SYNE2: variants seen among roughly 807,000 people sequenced by gnomAD.
The protein encoded by SYNE2 is nesprin-2.
SYNE2 carries 431 observed loss-of-function variants against 856.3 expected under a neutral mutation model. The observed-to-expected ratio is 0.50, with a 90% CI of 0.47 to 0.55. The LOEUF (loss-of-function observed/expected upper bound fraction) is 0.55. Among genes scored for constraint, SYNE2 ranks in the 20% least tolerant of loss-of-function variants. The pLI is 0.00. For missense variants in SYNE2, 8,129 were observed against 8,023.2 expected, an observed-to-expected ratio of 1.01 and a Z score of -0.50; for synonymous variants, 2,923 against 2,872.3, an observed-to-expected ratio of 1.02 and a Z score of -0.56.
At chr14:64,099,007 G>T (rs1316007754) in intron 63 of SYNE2, 186 bp downstream of exon 63, 2 of 620,924 alleles carry the variant, frequency 3.2e-6, no homozygotes, top group African/African-American at 3.7e-5. Flanking sequence ...ACTTCACTGT[G>T]TAAGAGTGAG....
chr14:64,212,077 T>C lies in SYNE2; in HGVS notation c.18840T>C (p.Asp6280=). ...AGCACTTCTCAGAGAGTGACGCCGA[T>C]GACAAGATGCGCCAACTGAATGTGA... ...NVEHFSESDA[D]DKMRQLNGFQ... is the part of the protein sequence containing the mutation. Residue 6280 remains aspartate, a synonymous_variant, in exon 104 of 116, where the codon GAT becomes GAC. Coordinates refer to ENST00000555002, the MANE Select transcript of SYNE2 (RefSeq NM_182914.3). The C allele has an allele frequency of 1.9e-6, 3 of 1,614,132 alleles. No homozygotes were observed. The highest frequency in any genetic ancestry group is 1.1e-5 in the South Asian group (1 of 91,078).
At chr14:64,183,886 A>G (rs931840443) in intron 96 of SYNE2, among the ~76,000 whole-genome samples, 1 of 147,826 alleles carries the variant, frequency 6.8e-6, no homozygotes, top group African/African-American at 2.5e-5. Flanking sequence ...GCTTTGGCTC[A>G]GCATCAGAGG....
intron 1 of SYNE2, among the ~76,000 whole-genome samples, chr14:63,796,953 C>CCT (rs1193747262): frequency 6.6e-6 from 1 of 151,928 alleles, no homozygotes; most frequent in East Asian, 1.9e-4. Flanking sequence ...GTGGCGTGCG[C>CCT]CTCTAGTCCC....
chr14:64,038,830 G>A (rs529578469), intron 45 of SYNE2, among the ~76,000 whole-genome samples: 1 of 152,048 alleles, frequency 6.6e-6, no homozygotes, highest in Admixed American at 6.6e-5. Flanking sequence ...GAGGGAGACC[G>A]TGGAAAGAGA....
intron 66 of SYNE2, among the ~76,000 whole-genome samples, chr14:64,116,938 A>G (rs774721739): frequency 3.9e-5 from 6 of 152,234 alleles, no homozygotes; most frequent in African/African-American, 7.2e-5. Context: ...AAAACAGAGC[A>G]TAAAATTATG....
At chr14:64,035,163 G>A (rs1338410708) in intron 45 of SYNE2, among the ~76,000 whole-genome samples, 1 of 151,864 alleles carries the variant, frequency 6.6e-6, no homozygotes, top group Non-Finnish European at 1.5e-5. Flanking sequence ...CTAATTTGAT[G>A]TTTAAGAAGG....
At chr14:64,155,957 G>T (rs1007115582) in intron 85 of SYNE2, among the ~76,000 whole-genome samples, 1 of 152,090 alleles carries the variant, frequency 6.6e-6, no homozygotes, top group African/African-American at 2.4e-5. Flanking sequence ...TGTATCTTCG[G>T]TCAGGTTACT....
chr14:64,167,099 G>T, intron 90 of SYNE2, 134 bp from the exon 91 acceptor site: 1 of 1,074,120 alleles, frequency 9.3e-7, no homozygotes, highest in Admixed American at 2.1e-5. Context: ...ACATTAGCAA[G>T]CTGTTTGACT....
Position 64,225,348 on chromosome 14 carries a change from C to G in SYNE2, c.20546C>G (p.Ser6849Cys). Residue 6849 changes from serine (S) to cysteine (C), a missense_variant, in exon 116 of 116, where the codon TCC becomes TGC. By Grantham distance (112) the Ser-to-Cys change is moderately radical. Transcript: ENST00000555002. ...CCCGGCAGCACACGGCCACAGCGCTCCTTCCTCTCAAGGGTGGTCCGGGCA... is the reference window on the plus strand; with the variant it reads ...CCCGGCAGCACACGGCCACAGCGCTGCTTCCTCTCAAGGGTGGTCCGGGCA... The part of the protein sequence containing the change: ...RVPGSTRPQR[S>C]FLSRVVRAAL... 1.9e-6 allele frequency: 3 copies of G among 1,614,168 alleles called. No homozygotes were observed. Among genetic ancestry groups the G allele is most frequent in the Non-Finnish European group, 2.5e-6 (3 of 1,180,028 alleles).
intron 1 of SYNE2, among the ~76,000 whole-genome samples, chr14:63,838,281 T>C (rs994584208): frequency 2.0e-5 from 3 of 152,010 alleles, no homozygotes; most frequent in Non-Finnish European, 4.4e-5. Flanking sequence ...GAGGTTGTAG[T>C]GAGCGAGATT....
intron 100 of SYNE2, among the ~76,000 whole-genome samples, chr14:64,205,091 C>A (rs1005043195): frequency 2.0e-5 from 3 of 152,182 alleles, no homozygotes; most frequent in Non-Finnish European, 4.4e-5. Flanking sequence ...ACAGTGGGCC[C>A]ACCCTGATAA....
intron 1 of SYNE2, among the ~76,000 whole-genome samples, chr14:63,863,580 C>G (rs1168676242): frequency 6.6e-6 from 1 of 152,028 alleles, no homozygotes; most frequent in Non-Finnish European, 1.5e-5. Flanking sequence ...AGACTGTCTC[C>G]CATGCCTCCA....
chr14:64,149,904 A>G (rs940283611), intron 84 of SYNE2, among the ~76,000 whole-genome samples: 1 of 151,866 alleles, frequency 6.6e-6, no homozygotes, highest in African/African-American at 2.4e-5. Flanking sequence ...TGACAGGACT[A>G]CTGGGCTAAA....
chr14:64,131,571 T>G (rs1253402105), intron 76 of SYNE2, among the ~76,000 whole-genome samples: 2 of 151,576 alleles, frequency 1.3e-5, no homozygotes, highest in African/African-American at 4.9e-5. Context: ...TTTGTTTGTT[T>G]GTTTTTGTTT....
intron 30 of SYNE2, 27 bp downstream of exon 30, chr14:64,003,357 C>T: frequency 3.7e-6 from 6 of 1,613,594 alleles, no homozygotes; most frequent in Non-Finnish European, 5.1e-6. Flanking sequence ...CATTTCCATC[C>T]AAGGTGACTG....
chr14:64,058,623 G>A (rs2097292138), intron 49 of SYNE2, among the ~76,000 whole-genome samples: 1 of 152,050 alleles, frequency 6.6e-6, no homozygotes, highest in Non-Finnish European at 1.5e-5. Flanking sequence ...GAGATTACAG[G>A]CACAAGCCAC....
rs2097238485 is a variant in SYNE2, at chr14:64,052,924, T to C, written c.9011T>C (p.Val3004Ala). The C allele has an allele frequency of 3.1e-6, 5 of 1,612,980 alleles. No individual in the cohort carries two copies. The East Asian group carries it at 1.1e-4, about 36-fold the overall frequency. ...TTACAGGTATTGAAACTTAAAAAAG[T>C]GTTTGACTATATTGGACTAAACTGG... ...CILQVLKLKK[V>A]FDYIGLNWDF... The change falls in exon 48 of 116, where the codon GTG becomes GCG. Residue 3004 changes from valine (V) to alanine (A), a missense_variant. Physicochemically the swap from Val to Ala is moderately conservative, Grantham distance 64. Around this residue, in one of 3 missense-constraint regions of SYNE2, gnomAD observed 5,410 missense variants for 5,284.8 expected, o/e 1.02. Transcript: ENST00000555002.
At chr14:64,017,778 A>G (rs771655306) in intron 34 of SYNE2, 22 bp downstream of exon 34, 2 of 1,610,666 alleles carry the variant, frequency 1.2e-6, no homozygotes, top group Non-Finnish European at 1.7e-6. Flanking sequence ...GATAAAATAC[A>G]TGCTTTTCTT....
At chr14:64,122,549 T>C (rs2153667520) in intron 70 of SYNE2, 122 bp downstream of exon 70, 1 of 1,316,348 alleles carries the variant, frequency 7.6e-7, no homozygotes, top group South Asian at 1.2e-5. Context: ...TTTACTTGGC[T>C]GATACATTTT....
Sources: gnomAD v4.1 joint callset for allele counts (sites outside exome capture counted in the v4.1 genomes callset) on GRCh38, gnomAD v4.1.1 for gene constraint, gnomAD v4.1.1 regional missense constraint, MANE v1.5 for transcripts, NCBI Gene and HGNC (gene_info 2026-07-23, HGNC 2026-07-21) for gene names.